Variants in CD59 observed in about 807,000 individuals in gnomAD.
CD59 encodes CD59 glycoprotein.
Under a neutral mutation model 7.0 loss-of-function variants are expected in CD59, and 3 were observed. The observed-to-expected ratio is 0.43, with a 90% CI of 0.19 to 1.10. The LOEUF is 1.10. Ranked by LOEUF, CD59 falls within the 50% of genes least tolerant of loss-of-function variation. The probability of loss-of-function intolerance (pLI) is 0.29; values close to 1 mark genes in which losing one functional copy is unlikely to be tolerated. For synonymous variants in CD59, 60 were observed against 62.0 expected (o/e 0.97, Z 0.15); for missense variants, 143 against 151.0 (o/e 0.95, Z 0.28).
chr11:33,724,211 C>T (rs1009652280), intron 1 of CD59, among the ~76,000 whole-genome samples: 2 of 152,244 alleles, frequency 1.3e-5, no homozygotes, highest in Admixed American at 6.5e-5. Flanking sequence ...GGAAAGGTGT[C>T]AGGCTGGCAG....
chr11:33,723,520 A>G (rs1564976389), intron 1 of CD59, among the ~76,000 whole-genome samples: 2 of 152,206 alleles, frequency 1.3e-5, no homozygotes, highest in Non-Finnish European at 2.9e-5. Flanking sequence ...TCAAGCCTGG[A>G]GATGGGGGTG....
intron 1 of CD59, among the ~76,000 whole-genome samples, chr11:33,729,913 G>T (rs1019799257): frequency 6.6e-6 from 1 of 151,928 alleles, no homozygotes; most frequent in African/African-American, 2.4e-5. Flanking sequence ...AACAACACAG[G>T]TTTGAACTGC....
intron 1 of CD59, chr11:33,731,357 T>C (rs546533441): frequency 3.9e-5 from 6 of 152,110 alleles, no homozygotes; most frequent in African/African-American, 1.4e-4. Context: ...AAATTGAACA[T>C]AAAACATTTA....
chr11:33,710,286 G>C lies in CD59; in HGVS notation c.227C>G (p.Thr76Arg). ...KFEHCNFNDV[T>R]TRLRENELTY... ...TAGCTCATTTTCCCTCAAGCGGGTT[G>C]TGACGTCGTTGAAATTGCAATGCTC... is the stretch of plus-strand genomic sequence containing the variant. The change falls in exon 4 of 4, where the codon ACA (threonine) becomes AGA (arginine). Residue 76 changes from threonine (T) to arginine (R), a missense_variant. Thr to Arg is a moderately conservative substitution (Grantham distance 71). Coordinates refer to ENST00000642928, the MANE Select transcript of CD59 (RefSeq NM_000611.6). 6.2e-7 allele frequency: 1 copy of C among 1,614,186 alleles called. No homozygotes were observed. The highest frequency in any genetic ancestry group is 1.1e-5 in the South Asian group (1 of 91,088).
In CD59 at chr11:33,710,299, A is replaced by C. The variant is rs768902780; in HGVS notation, c.214T>G (p.Phe72Val). The C allele has an allele frequency of 6.2e-7, 1 of 1,614,170 alleles. No individual in the cohort carries two copies. The highest frequency in any genetic ancestry group is 8.5e-7 in the Non-Finnish European group (1 of 1,180,012). ...NKCWKFEHCN[F>V]NDVTTRLREN... ...CTCAAGCGGGTTGTGACGTCGTTGAAATTGCAATGCTCAAACTTCCAACAC... is the reference window on the plus strand; with the variant it reads ...CTCAAGCGGGTTGTGACGTCGTTGACATTGCAATGCTCAAACTTCCAACAC... The change falls in exon 4 of 4, where the codon TTC becomes GTC. Residue 72 changes from phenylalanine to valine, a missense_variant. Phe to Val is a conservative substitution (Grantham distance 50). Coordinates refer to ENST00000642928, the MANE Select transcript of CD59 (RefSeq NM_000611.6).
intron 1 of CD59, chr11:33,731,396 T>C (rs1169615199): frequency 6.6e-6 from 1 of 152,152 alleles, no homozygotes; most frequent in Non-Finnish European, 1.5e-5. Context: ...TAATAACATT[T>C]AAGGAATTCA....
At chr11:33,725,147 T>C (rs1854216998) in intron 1 of CD59, among the ~76,000 whole-genome samples, 1 of 152,180 alleles carries the variant, frequency 6.6e-6, no homozygotes, top group Non-Finnish European at 1.5e-5. Flanking sequence ...CCAAATATTC[T>C]ATAATTAACC....
rs1854123390 is a variant in CD59, at chr11:33,722,634, A to G, written c.-18-171T>C. 2.0e-6 allele frequency: 3 copies of G among 1,471,226 alleles called. No homozygotes were observed. The South Asian group carries it at 3.9e-5, about 19-fold the overall frequency. The allele number at this position is 1,471,226 out of a possible 1,614,324, so 91.1% of individuals were successfully genotyped here. A position where few individuals can be genotyped will look rare whatever the true frequency, so the allele number is the denominator to read the frequency against. On this transcript the variant is annotated intron_variant, in intron 1 of 3. Coordinates refer to ENST00000642928, the MANE Select transcript of CD59 (RefSeq NM_000611.6). ...CCAGCTCTGACCCACAGCACCATATACCCTTGAGTAGGCTCAGTCCCTATA... is the reference window on the plus strand; with the variant it reads ...CCAGCTCTGACCCACAGCACCATATGCCCTTGAGTAGGCTCAGTCCCTATA...
At position 33,708,715 on chromosome 11, in the gene CD59, G is replaced by T. The variant is rs7357; in HGVS notation, c.*1411C>A. 36,989 of 152,106 alleles carry T rather than the reference G, an allele frequency of 0.24. 4,996 individuals carry two copies. The highest frequency in any genetic ancestry group is 0.32 in the Middle Eastern group (94 of 294). 9.4% of individuals were successfully genotyped at this position (152,106 alleles called of 1,614,324 possible). A position where few individuals can be genotyped will look rare whatever the true frequency, so the allele number is the denominator to read the frequency against. On this transcript the variant is annotated 3_prime_UTR_variant, in exon 4 of 4. Coordinates refer to ENST00000642928, the MANE Select transcript of CD59 (RefSeq NM_000611.6). ...GCAAGTTTCTATTTTCCTATGTTCA[G>T]GGAACGGCATCAACAGAAGAAAGCT... is the stretch of plus-strand genomic sequence containing the variant.
At chr11:33,723,486 C>A (rs1284029720) in intron 1 of CD59, among the ~76,000 whole-genome samples, 1 of 152,130 alleles carries the variant, frequency 6.6e-6, no homozygotes, top group African/African-American at 2.4e-5. Context: ...CTGACATTGT[C>A]CAAAAAAGAA....
chr11:33,712,048 A>C (rs929537041), intron 3 of CD59, among the ~76,000 whole-genome samples: 4 of 152,238 alleles, frequency 2.6e-5, no homozygotes, highest in Admixed American at 6.5e-5. Flanking sequence ...TTCCCAAGTA[A>C]TTTAATACTG....
At chr11:33,720,546 A>G (rs1172934261) in intron 2 of CD59, among the ~76,000 whole-genome samples, 1 of 146,156 alleles carries the variant, frequency 6.8e-6, no homozygotes, top group Non-Finnish European at 1.5e-5. Context: ...TAAAAATACA[A>G]AAATTAAAAA....
rs543603174 is a variant in CD59, at chr11:33,727,474, G to A, written c.-18-5011C>T. On this transcript the variant is annotated intron_variant, in intron 1 of 3. Coordinates refer to ENST00000642928, the MANE Select transcript of CD59 (RefSeq NM_000611.6). ...AACGCCTTCAACAAAATTCAACAGC[G>A]CTTCATGCTAAAAACTCTCAATAAA... Among the ~76,000 whole-genome samples, 7 of 152,110 alleles carry A rather than the reference G, an allele frequency of 4.6e-5. No individual in the cohort carries two copies. In the South Asian group the frequency reaches 1.0e-3, roughly 23 times the overall value.
In CD59 at chr11:33,709,451, T is replaced by C. The variant is rs560083033; in HGVS notation, c.*675A>G. On this transcript the variant is annotated 3_prime_UTR_variant, in exon 4 of 4. Transcript: ENST00000642928. ...GCAAGGAAATAGCTTTAACACACCA[T>C]TGATGTATGCTATTACACTTTTCCA... 1 of 157,834 alleles carries C rather than the reference T, an allele frequency of 6.3e-6. No homozygotes were observed. The highest frequency in any genetic ancestry group is 1.4e-5 in the Non-Finnish European group (1 of 71,158). 9.8% of individuals were successfully genotyped at this position (157,834 alleles called of 1,614,324 possible).
intron 1 of CD59, among the ~76,000 whole-genome samples, chr11:33,730,668 C>A (rs894646629): frequency 6.6e-6 from 1 of 152,178 alleles, no homozygotes; most frequent in African/African-American, 2.4e-5. Flanking sequence ...CTGTTTGCCT[C>A]TTTAAGAAAT....
Position 33,704,991 on chromosome 11 carries a change from A to C in CD59, c.*5135T>G, listed in dbSNP as rs1037791711. 7.9e-5 allele frequency: 12 copies of C among 152,320 alleles called. No individual in the cohort carries two copies. Among genetic ancestry groups the C allele is most frequent in the African/African-American group, 2.9e-4 (12 of 41,458 alleles). The allele number at this position is 152,320 out of a possible 1,614,324, so 9.4% of individuals were successfully genotyped here. A position where few individuals can be genotyped will look rare whatever the true frequency, so the allele number is the denominator to read the frequency against. On this transcript the variant is annotated 3_prime_UTR_variant, in exon 4 of 4. Transcript: ENST00000642928. Reference sequence around the variant, plus strand: ...TTTCAAAAAAGTTTCTAAAAAATGCAGAGCAGCCTTTATTCTTGTTTTCCC... The same window carrying C: ...TTTCAAAAAAGTTTCTAAAAAATGCCGAGCAGCCTTTATTCTTGTTTTCCC...
intron 1 of CD59, among the ~76,000 whole-genome samples, chr11:33,732,057 G>C (rs2231453): frequency 0.039 from 5,879 of 152,212 alleles, 252 homozygotes; most frequent in East Asian, 0.18. Context: ...TCATATTTCT[G>C]TCTTGTCTGC....
intron 1 of CD59, among the ~76,000 whole-genome samples, chr11:33,733,116 C>A (rs1854465767): frequency 6.6e-6 from 1 of 152,158 alleles, no homozygotes; most frequent in Admixed American, 6.5e-5. Flanking sequence ...CCTCAGTCCT[C>A]CAGTCACAAG....
At chr11:33,715,234 T>C (rs1853736425) in intron 3 of CD59, among the ~76,000 whole-genome samples, 1 of 152,172 alleles carries the variant, frequency 6.6e-6, no homozygotes, top group African/African-American at 2.4e-5. Flanking sequence ...TATATTTTAG[T>C]TTTGTAATAA....
Sources: allele counts gnomAD v4.1 joint callset (sites outside exome capture counted in the v4.1 genomes callset), GRCh38; gene constraint gnomAD v4.1.1; transcripts MANE v1.5; gene names NCBI Gene and HGNC (gene_info 2026-07-23, HGNC 2026-07-21).